Variants in TRIM14 observed in about 807,000 individuals in gnomAD.
TRIM14 encodes tripartite motif-containing protein 14.
In TRIM14, 28 loss-of-function variants were observed where a neutral mutation model predicts 44.5. The ratio of observed to expected loss-of-function variants is 0.63; its 90% CI spans 0.47 to 0.86. TRIM14 has a LOEUF of 0.86. Among genes scored for constraint, TRIM14 ranks in the 40% least tolerant of loss-of-function variants. The probability of loss-of-function intolerance (pLI) is 0.00; values close to 1 mark genes in which losing one functional copy is unlikely to be tolerated. For missense variants in TRIM14, 607 were observed against 611.1 expected (o/e 0.99, Z 0.07); for synonymous variants, 299 against 269.2 (o/e 1.11, Z -1.08).
chr9:98,092,539 A>C (rs1304459639), intron 4 of TRIM14: 1 of 423,046 alleles, frequency 2.4e-6, no homozygotes. Flanking sequence ...CCCAGCACTC[A>C]TCACAGGGGC....
At chr9:98,114,402 C>G (rs900212057) in intron 1 of TRIM14, among the ~76,000 whole-genome samples, 2 of 151,974 alleles carry the variant, frequency 1.3e-5, no homozygotes, top group African/African-American at 2.4e-5. Context: ...GGCGTAATCT[C>G]GGCTCACTGC....
At chr9:98,080,156 G>A (rs1396784713), downstream of TRIM14, among the ~76,000 whole-genome samples, 1 of 152,258 alleles carries the variant, frequency 6.6e-6, no homozygotes, top group Non-Finnish European at 1.5e-5. Flanking sequence ...AGAGGTTGCA[G>A]TGAGCTGAGA....
intron 2 of TRIM14, among the ~76,000 whole-genome samples, chr9:98,104,425 T>C (rs1826524612): frequency 6.6e-6 from 1 of 152,200 alleles, no homozygotes; most frequent in African/African-American, 2.4e-5. Flanking sequence ...TACCTTGTTC[T>C]AACTCTCAGC....
chr9:98,088,516 G>A (rs1349087337), intron 5 of TRIM14, among the ~76,000 whole-genome samples: 1 of 152,000 alleles, frequency 6.6e-6, no homozygotes, highest in Non-Finnish European at 1.5e-5. Flanking sequence ...CACCACGCCC[G>A]GCTAATTTTT....
At chr9:98,098,429 C>T (rs1040521781) in intron 3 of TRIM14, among the ~76,000 whole-genome samples, 5 of 152,104 alleles carry the variant, frequency 3.3e-5, no homozygotes, top group African/African-American at 9.7e-5. Flanking sequence ...GGAACACCAT[C>T]GGCCGGGTGC....
the TRIM14 span, chr9:98,060,670 CTAAA>C: frequency 1.0e-4 from 107 of 1,062,594 alleles, no homozygotes; most frequent in Non-Finnish European, 1.3e-4. Context: ...AACTCTGTCT[CTAAA>C]TAAATAAATA....
chr9:98,082,894 C>T (rs770189007), downstream of TRIM14: 1 of 1,614,034 alleles, frequency 6.2e-7, no homozygotes, highest in South Asian at 1.1e-5. Flanking sequence ...AGGCACCATT[C>T]TAACAATGGA....
rs570888057 is a variant in TRIM14 at position 98,087,859 on chromosome 9, G to C, written c.940C>G (p.Arg314Gly). The C allele has an allele frequency of 6.4e-7, 1 of 1,560,056 alleles. No individual in the cohort carries two copies. Among genetic ancestry groups the C allele is most frequent in the African/African-American group, 1.4e-5 (1 of 70,950 alleles). The change falls in exon 6 of 6, where the codon CGT becomes GGT. Residue 314 changes from arginine to glycine, a missense_variant. Arg to Gly is a moderately radical substitution (Grantham distance 125). Around this residue, in one of 3 missense-constraint regions of TRIM14, gnomAD observed 356 missense variants for 323.0 expected, o/e 1.10. Transcript: ENST00000341469. ...RFDALWQVLARDCFATGRHYW... is the reference protein window; with the variant it reads ...RFDALWQVLAGDCFATGRHYW... ...TGGCGGCCGGTGGCGAAGCAGTCAC[G>C]AGCCAGCACTTGCCAGAGCGCGTCG... is the stretch of plus-strand genomic sequence containing the variant.
chr9:98,039,719 G>A, the TRIM14 span, among the ~76,000 whole-genome samples: 1 of 152,038 alleles, frequency 6.6e-6, no homozygotes, highest in African/African-American at 2.4e-5. Flanking sequence ...CTGACTCTGT[G>A]CAAGAAGAGA....
At chr9:98,092,771 G>A (rs942304226) in intron 4 of TRIM14, among the ~76,000 whole-genome samples, 1 of 152,190 alleles carries the variant, frequency 6.6e-6, no homozygotes, top group Non-Finnish European at 1.5e-5. Flanking sequence ...TTAGGCGAAC[G>A]CCGAGCTGTA....
rs775265508 is a variant in TRIM14, at chr9:98,091,908, C to T, written c.793+1G>A. The T allele has an allele frequency of 3.1e-6, 5 of 1,590,614 alleles. No individual in the cohort carries two copies. Among genetic ancestry groups the T allele is most frequent in the Non-Finnish European group, 4.3e-6 (5 of 1,165,546 alleles). On this transcript the variant is annotated splice_donor_variant, in intron 5 of 5. Coordinates refer to ENST00000341469, the MANE Select transcript of TRIM14 (RefSeq NM_014788.4). LOFTEE classifies it high-confidence loss of function. ...CCTATCCCCACTCCCGGGGGTCTTA[C>T]ATTTCAGCAATAGCGATCGCTCTGG...
chr9:98,058,532 C>G, the TRIM14 span, among the ~76,000 whole-genome samples: 2 of 152,208 alleles, frequency 1.3e-5, no homozygotes, highest in African/African-American at 4.8e-5. Flanking sequence ...ACATTGTTTT[C>G]TAGAGGGAAA....
chr9:98,109,474 A>G (rs1035579538), intron 2 of TRIM14, among the ~76,000 whole-genome samples: 31 of 152,308 alleles, frequency 2.0e-4, no homozygotes, highest in African/African-American at 7.2e-4. Context: ...GAAAGTACCT[A>G]TTTGTGGAAC....
chr9:98,093,167 C>T (rs770437771), intron 4 of TRIM14, among the ~76,000 whole-genome samples: 1 of 152,128 alleles, frequency 6.6e-6, no homozygotes, highest in African/African-American at 2.4e-5. Context: ...ACGTCCAAAT[C>T]CTTGGATTCT....
At chr9:98,078,238 T>C (rs762763940) in intron 6 of TRIM14, 18 of 1,614,030 alleles carry the variant, frequency 1.1e-5, no homozygotes, top group Non-Finnish European at 1.4e-5. Context: ...ATGGACACCA[T>C]GAAGCAAGTT....
At chr9:98,073,488 T>C (rs938611472) in intron 6 of TRIM14, among the ~76,000 whole-genome samples, 2 of 151,554 alleles carry the variant, frequency 1.3e-5, no homozygotes, top group African/African-American at 4.8e-5. Context: ...TTTCACCATG[T>C]TGGCCAGGCT....
intron 6 of TRIM14, among the ~76,000 whole-genome samples, chr9:98,072,599 C>T (rs1829390403): frequency 6.6e-6 from 1 of 152,072 alleles, no homozygotes; most frequent in African/African-American, 2.4e-5. Context: ...TTAGTAGAGA[C>T]AGAGTTTCAC....
chr9:98,055,668 G>A, the TRIM14 span, among the ~76,000 whole-genome samples: 1 of 152,114 alleles, frequency 6.6e-6, no homozygotes. Context: ...GTCCTACAAA[G>A]GCAGTCTAGT....
intron 6 of TRIM14, among the ~76,000 whole-genome samples, chr9:98,078,531 G>A (rs1462578591): frequency 1.3e-5 from 2 of 152,034 alleles, no homozygotes. Flanking sequence ...TCTAAAGAGG[G>A]TGACTGTAAA....
Sources: gnomAD v4.1 joint callset for allele counts (sites outside exome capture counted in the v4.1 genomes callset) on GRCh38, gnomAD v4.1.1 for gene constraint, gnomAD v4.1.1 regional missense constraint, MANE v1.5 for transcripts, NCBI Gene and HGNC (gene_info 2026-07-23, HGNC 2026-07-21) for gene names.